The following USP15 variants were observed in gnomAD, a reference collection of about 807,000 sequenced individuals.
USP15 encodes ubiquitin specific peptidase 15.
A neutral mutation model predicts 127.1 loss-of-function variants in USP15; 18 were observed. The observed-to-expected ratio is 0.14, with a 90% CI of 0.10 to 0.21. The LOEUF (loss-of-function observed/expected upper bound fraction) is 0.21. Among genes scored for constraint, USP15 ranks in the 10% least tolerant of loss-of-function variants. USP15 has a pLI of 1.00. For synonymous variants in USP15, 364 were observed against 393.7 expected (o/e 0.92, Z 0.89); for missense variants, 805 against 1,159.9 (o/e 0.69, Z 4.44).
chr12:62,303,956 A>C (rs1414411574), intron 3 of USP15, among the ~76,000 whole-genome samples: 1 of 152,006 alleles, frequency 6.6e-6, no homozygotes, highest in Non-Finnish European at 1.5e-5. Context: ...TGGAGAATTG[A>C]GTGTTTTGAT....
intron 6 of USP15, among the ~76,000 whole-genome samples, chr12:62,345,255 T>C (rs1168921091): frequency 6.6e-6 from 1 of 152,130 alleles, no homozygotes; most frequent in Non-Finnish European, 1.5e-5. Flanking sequence ...AAATCATCTC[T>C]CCCAAGTTCA....
intron 1 of USP15, among the ~76,000 whole-genome samples, chr12:62,276,896 T>C (rs2063507585): frequency 1.3e-5 from 2 of 152,276 alleles, no homozygotes; most frequent in African/African-American, 4.8e-5. Context: ...CTTTTATGCA[T>C]TTTGCTGTGT....
chr12:62,406,136 T>C lies in USP15; in HGVS notation c.*1761T>C, dbSNP rs1049436651. The C allele has an allele frequency of 6.6e-6, 1 of 152,182 alleles. No individual in the cohort carries two copies. Among genetic ancestry groups the C allele is most frequent in the African/African-American group, 2.4e-5 (1 of 41,442 alleles). The allele number at this position is 152,182 out of a possible 1,614,324, so 9.4% of individuals were successfully genotyped here. ...AAGGCCTTATTTAGTCTTTTATTTC[T>C]TACTCTTAATCTTTTAATAAAAATC... On this transcript the variant is annotated 3_prime_UTR_variant, in exon 22 of 22. Transcript: ENST00000280377.
At position 62,405,971 on chromosome 12, in the gene USP15, T is replaced by G. The variant is rs912757390; in HGVS notation, c.*1596T>G. On this transcript the variant is annotated 3_prime_UTR_variant, in exon 22 of 22. Transcript: ENST00000280377. ...TGGTATTTTAAAAGCTGCTTTGGGG[T>G]TTTTTTTTTCTTTTTTTTTTTTTTA... 4 of 147,856 alleles carry G rather than the reference T, an allele frequency of 2.7e-5. No homozygotes were observed. The highest frequency in any genetic ancestry group is 5.0e-5 in the African/African-American group (2 of 40,352). 9.2% of individuals were successfully genotyped at this position (147,856 alleles called of 1,614,324 possible).
intron 19 of USP15, among the ~76,000 whole-genome samples, 182 bp from the exon 20 acceptor site, chr12:62,396,113 G>T (rs1197550477): frequency 6.6e-6 from 1 of 151,498 alleles, no homozygotes; most frequent in Non-Finnish European, 1.5e-5. Flanking sequence ...TGTATGATTT[G>T]TTTTGTAAGT....
At chr12:62,285,183 G>A (rs2137111289) in intron 1 of USP15, among the ~76,000 whole-genome samples, 1 of 152,090 alleles carries the variant, frequency 6.6e-6, no homozygotes, top group South Asian at 2.1e-4. Flanking sequence ...GTGAAGTAAG[G>A]GCTTCTAATG....
chr12:62,401,408 C>G (rs1177569389), intron 21 of USP15, 133 bp downstream of exon 21: 13 of 538,756 alleles, frequency 2.4e-5, no homozygotes, highest in Admixed American at 4.1e-5. Context: ...GACACTAACT[C>G]TTATTTAAAG....
chr12:62,366,847 T>C (rs1270323695), intron 8 of USP15, among the ~76,000 whole-genome samples: 1 of 152,214 alleles, frequency 6.6e-6, no homozygotes, highest in Non-Finnish European at 1.5e-5. Context: ...CGTGATGGAT[T>C]ACTTTTATTG....
At chr12:62,271,294 T>C (rs147335800) in intron 1 of USP15, among the ~76,000 whole-genome samples, 1 of 152,142 alleles carries the variant, frequency 6.6e-6, no homozygotes, top group East Asian at 1.9e-4. Context: ...GGAAATGCAG[T>C]TATGCAAGAA....
At position 62,416,357 on chromosome 12, in the gene USP15, A is replaced by G. The variant is rs2068154136; in HGVS notation, c.*11982A>G. 6.6e-6 allele frequency: 1 copy of G among 152,164 alleles called. No homozygotes were observed. Among genetic ancestry groups the G allele is most frequent in the African/African-American group, 2.4e-5 (1 of 41,444 alleles). 9.4% of individuals were successfully genotyped at this position (152,164 alleles called of 1,614,324 possible). A position where few individuals can be genotyped will look rare whatever the true frequency, so the allele number is the denominator to read the frequency against. On this transcript the variant is annotated 3_prime_UTR_variant, in exon 22 of 22. Transcript: ENST00000280377. ...TATGTGTGGCATAGTATTTGTTCCT[A>G]AATGTAAAAGTTATTAAACAAGTTT...
intron 6 of USP15, among the ~76,000 whole-genome samples, chr12:62,339,201 C>T (rs765029442): frequency 1.5e-4 from 23 of 151,838 alleles, no homozygotes; most frequent in Admixed American, 4.6e-4. Flanking sequence ...TGTCTATTTT[C>T]GGTGTATAGG....
In USP15 at chr12:62,260,603, G is replaced by C. The variant is rs547230174; in HGVS notation, c.89+100G>C. 2.3e-5 allele frequency: 28 copies of C among 1,220,222 alleles called. No homozygotes were observed. The African/African-American group carries it at 4.1e-4, about 18-fold the overall frequency. 75.6% of individuals were successfully genotyped at this position (1,220,222 alleles called of 1,614,324 possible). ...CTTTCGCTAGTGACAGGTGCGGGCA[G>C]GTCCGGCGGCGGCCGCCGGGGCAGC... is the stretch of plus-strand genomic sequence containing the variant. On this transcript the variant is annotated intron_variant, in intron 1 of 21. Coordinates refer to ENST00000280377, the MANE Select transcript of USP15 (RefSeq NM_001252078.2).
rs190738094 is a variant in USP15, at chr12:62,286,878, G to C, written c.90-7301G>C. Among the ~76,000 whole-genome samples the C allele has an allele frequency of 1.8e-3, 280 of 151,666 alleles. 1 individual carries two copies. The highest frequency in any genetic ancestry group is 6.2e-3 in the African/African-American group (257 of 41,310). The stretch of plus-strand genomic sequence containing the variant: ...CTTGAACCCGGGAGGTGGAAGTTGC[G>C]GTGAGCTGAGATCGCACCATTGCAC... On this transcript the variant is annotated intron_variant, in intron 1 of 21. Coordinates refer to ENST00000280377, the MANE Select transcript of USP15 (RefSeq NM_001252078.2).
chr12:62,386,519 C>T lies in USP15; in HGVS notation c.1473+2217C>T, dbSNP rs142219265. On this transcript the variant is annotated intron_variant, in intron 11 of 21. Coordinates refer to ENST00000280377, the MANE Select transcript of USP15 (RefSeq NM_001252078.2). Reference sequence around the variant, plus strand: ...TAACCTACCCAAACTGGTTATGAGGCCTGTGATAAATTCTGAAGGACAATT... The same window carrying T: ...TAACCTACCCAAACTGGTTATGAGGTCTGTGATAAATTCTGAAGGACAATT... Among the ~76,000 whole-genome samples the T allele has an allele frequency of 8.7e-3, 1,317 of 151,894 alleles. 12 individuals carry two copies. Among genetic ancestry groups the T allele is most frequent in the South Asian group, 0.019 (89 of 4,792 alleles).
intron 8 of USP15, among the ~76,000 whole-genome samples, chr12:62,378,552 T>C (rs1003577664): frequency 6.6e-6 from 1 of 152,184 alleles, no homozygotes; most frequent in African/African-American, 2.4e-5. Flanking sequence ...TTGTTGTTAT[T>C]TGTTAACATT....
chr12:62,281,326 T>C (rs1370498709), intron 1 of USP15, among the ~76,000 whole-genome samples: 2 of 152,122 alleles, frequency 1.3e-5, no homozygotes, highest in Non-Finnish European at 2.9e-5. Flanking sequence ...GAGTAGATTC[T>C]CCTATTTTTC....
Position 62,413,804 on chromosome 12 carries a change from T to C in USP15, c.*9429T>C, listed in dbSNP as rs137900861. On this transcript the variant is annotated 3_prime_UTR_variant, in exon 22 of 22. Coordinates refer to ENST00000280377, the MANE Select transcript of USP15 (RefSeq NM_001252078.2). Reference sequence around the variant, plus strand: ...GTAGCACTTTTAATTTCAGGAACTCTTCCTTTGGATATACAACTTGGCTGT... The same window carrying C: ...GTAGCACTTTTAATTTCAGGAACTCCTCCTTTGGATATACAACTTGGCTGT... 6.6e-6 allele frequency: 1 copy of C among 152,344 alleles called. No homozygotes were observed. Among genetic ancestry groups the C allele is most frequent in the African/African-American group, 2.4e-5 (1 of 41,588 alleles). 9.4% of individuals were successfully genotyped at this position (152,344 alleles called of 1,614,324 possible). A position where few individuals can be genotyped will look rare whatever the true frequency, so the allele number is the denominator to read the frequency against.
intron 6 of USP15, among the ~76,000 whole-genome samples, chr12:62,330,757 C>CAAA (rs201549202): frequency 2.4e-5 from 3 of 123,220 alleles, no homozygotes; most frequent in African/African-American, 3.0e-5. Context: ...CCCGTCTCTA[C>CAAA]AAAAAAAAAA....
In USP15 at chr12:62,414,162, A is replaced by G. The variant is rs1481755606; in HGVS notation, c.*9787A>G. The G allele has an allele frequency of 6.6e-6, 1 of 152,224 alleles. No homozygotes were observed. Among genetic ancestry groups the G allele is most frequent in the Non-Finnish European group, 1.5e-5 (1 of 68,034 alleles). The allele number at this position is 152,224 out of a possible 1,614,324, so 9.4% of individuals were successfully genotyped here. A position where few individuals can be genotyped will look rare whatever the true frequency, so the allele number is the denominator to read the frequency against. On this transcript the variant is annotated 3_prime_UTR_variant, in exon 22 of 22. Coordinates refer to ENST00000280377, the MANE Select transcript of USP15 (RefSeq NM_001252078.2). ...GATACAATAATAATGAAGACATTTG[A>G]AATGTGAGAAGTACCAAGATATGAC...
Sources: allele counts gnomAD v4.1 joint callset (sites outside exome capture counted in the v4.1 genomes callset), GRCh38; gene constraint gnomAD v4.1.1; transcripts MANE v1.5; gene names NCBI Gene and HGNC (gene_info 2026-07-23, HGNC 2026-07-21).